Variants in MRC1 observed in about 807,000 individuals in gnomAD.
The protein encoded by MRC1 is mannose receptor C-type 1, also known as macrophage mannose receptor 1.
A neutral mutation model predicts 102.9 loss-of-function variants in MRC1; 62 were observed. That is an observed-to-expected ratio of 0.60 (90% confidence interval 0.49 to 0.74). MRC1 has a LOEUF of 0.74. Among genes scored for constraint, MRC1 ranks in the 30% least tolerant of loss-of-function variants. The probability of loss-of-function intolerance (pLI) is 0.00; values close to 1 mark genes in which losing one functional copy is unlikely to be tolerated. For missense variants in MRC1, 1,237 were observed against 862.8 expected (o/e 1.43, Z -5.43); for synonymous variants, 457 against 298.4 (o/e 1.53, Z -5.48).
At position 17,879,765 on chromosome 10, in the gene MRC1, G is replaced by A. The variant is rs1479890671; in HGVS notation, c.2663G>A (p.Gly888Asp). ...GTGGATTACGTGTCTTGGGCCACAG[G>A]TGAACCCAATTTTGCAAATGAAGAT... Reference protein sequence around the residue: ...SKVDYVSWATGEPNFANEDEN... With the variant: ...SKVDYVSWATDEPNFANEDEN... Residue 888 changes from glycine to aspartate, a missense_variant, in exon 19 of 30, where the codon GGT becomes GAT. Transcript: ENST00000569591. 6.4e-6 allele frequency: 5 copies of A among 780,852 alleles called. No individual in the cohort carries two copies. The highest frequency in any genetic ancestry group is 1.2e-5 in the Non-Finnish European group (5 of 417,964). The allele number at this position is 780,852 out of a possible 1,614,324, so 48.4% of individuals were successfully genotyped here. A position where few individuals can be genotyped will look rare whatever the true frequency, so the allele number is the denominator to read the frequency against.
intron 17 of MRC1, 26 bp downstream of exon 17, chr10:17,875,279 AT>A (rs1438047670): frequency 6.4e-6 from 5 of 778,560 alleles, no homozygotes; most frequent in African/African-American, 1.7e-5. Context: ...ATTTTTTAAA[AT>A]TTTAATAGTT....
At chr10:17,885,207 T>C (rs1430917007) in intron 21 of MRC1, 62 bp from the exon 22 acceptor site, 2 of 778,354 alleles carry the variant, frequency 2.6e-6, no homozygotes, top group Non-Finnish European at 4.8e-6. Context: ...ATTTTGAATA[T>C]TTTCCATATT....
At chr10:17,847,233 A>G (rs990001164) in intron 6 of MRC1, among the ~76,000 whole-genome samples, 4 of 152,200 alleles carry the variant, frequency 2.6e-5, no homozygotes, top group Non-Finnish European at 5.9e-5. Flanking sequence ...AGAGGAGAAT[A>G]GTTACTTTAT....
intron 21 of MRC1, among the ~76,000 whole-genome samples, chr10:17,882,208 G>A (rs966157927): frequency 5.6e-4 from 85 of 152,186 alleles, no homozygotes; most frequent in East Asian, 2.5e-3. Flanking sequence ...GAAGGGTTTC[G>A]AAATCACTGC....
intron 2 of MRC1, among the ~76,000 whole-genome samples, chr10:17,825,231 G>A (rs1290308709): frequency 3.7e-4 from 57 of 152,256 alleles, no homozygotes; most frequent in Non-Finnish European, 1.6e-4. Flanking sequence ...TGGGGGAGGG[G>A]TAGAATGGTG....
chr10:17,906,366 TC>T (rs1423650070), intron 26 of MRC1, among the ~76,000 whole-genome samples: 2 of 151,900 alleles, frequency 1.3e-5, no homozygotes, highest in Non-Finnish European at 2.9e-5. Context: ...CTATCTCTGT[TC>T]CTGAAGAAGT....
chr10:17,903,392 CTTTTTTTTTTTTTTTTTTTTT>C (rs1833855573), intron 26 of MRC1, among the ~76,000 whole-genome samples: 1 of 88,862 alleles, frequency 1.1e-5, no homozygotes, highest in Non-Finnish European at 2.2e-5. Context: ...CTTTTTTTTT[CTTTTTTTTTTTTTTTTTTTTT>C]GAGACAGAGT....
At chr10:17,894,177 T>C (rs1833719509) in intron 22 of MRC1, 33 bp from the exon 23 acceptor site, 1 of 869,566 alleles carries the variant, frequency 1.2e-6, no homozygotes, top group African/African-American at 1.6e-5. Context: ...TGATTCATGA[T>C]TGTTTTCTTT....
chr10:17,881,298 A>G lies in MRC1; in HGVS notation c.2980+117A>G, dbSNP rs904656975. On this transcript the variant is annotated intron_variant, in intron 21 of 29. Transcript: ENST00000569591. ...GGTTTTCCAGTGTAAAAGCTAAAAA[A>G]GTGGAAAAAATCAAATGCTTATTGA... 4.2e-6 allele frequency: 3 copies of G among 708,590 alleles called. No individual in the cohort carries two copies. In the African/African-American group the frequency reaches 5.4e-5, roughly 13 times the overall value. The allele number at this position is 708,590 out of a possible 1,614,324, so 43.9% of individuals were successfully genotyped here.
At chr10:17,837,253 T>C (rs1321388991) in intron 4 of MRC1, among the ~76,000 whole-genome samples, 5 of 152,206 alleles carry the variant, frequency 3.3e-5, no homozygotes, top group African/African-American at 1.2e-4. Flanking sequence ...GTCAGCAAAT[T>C]TTCACTGGCA....
chr10:17,880,980 T>C, intron 20 of MRC1, 87 bp from the exon 21 acceptor site: 2 of 767,640 alleles, frequency 2.6e-6, no homozygotes, highest in South Asian at 2.8e-5. Flanking sequence ...TCTTCATGAA[T>C]AATTTTGCTT....
At chr10:17,845,719 A>G (rs1410867017) in intron 6 of MRC1, among the ~76,000 whole-genome samples, 2 of 152,168 alleles carry the variant, frequency 1.3e-5, no homozygotes, top group Admixed American at 6.6e-5. Context: ...ATAGTTGAGG[A>G]AAAAGATATT....
chr10:17,817,795 T>C (rs1554837999), intron 1 of MRC1, among the ~76,000 whole-genome samples: 1 of 152,174 alleles, frequency 6.6e-6, no homozygotes, highest in African/African-American at 2.4e-5. Flanking sequence ...AAATAGAATG[T>C]TTATAAATGT....
Position 17,880,514 on chromosome 10 carries a change from C to T in MRC1, c.2720-11C>T, listed in dbSNP as rs1833498854. ...ATATGAATCTAATTTAACTATTTCT[C>T]TCTTTGCCAGGGTTTTGGAATGACA... On this transcript the variant is annotated splice_polypyrimidine_tract_variant and intron_variant, in intron 19 of 29. Transcript: ENST00000569591. 11 of 780,646 alleles carry T rather than the reference C, an allele frequency of 1.4e-5. No individual in the cohort carries two copies. The highest frequency in any genetic ancestry group is 2.4e-5 in the East Asian group (1 of 41,264). 48.4% of individuals were successfully genotyped at this position (780,646 alleles called of 1,614,324 possible). A position where few individuals can be genotyped will look rare whatever the true frequency, so the allele number is the denominator to read the frequency against.
chr10:17,859,077 A>C (rs1833140793), intron 9 of MRC1, among the ~76,000 whole-genome samples: 2 of 152,052 alleles, frequency 1.3e-5, no homozygotes, highest in African/African-American at 4.8e-5. Context: ...CCTGATTACT[A>C]TATTTAATCT....
At chr10:17,853,181 C>T (rs1208126577) in intron 8 of MRC1, 57 bp downstream of exon 8, 1 of 777,322 alleles carries the variant, frequency 1.3e-6, no homozygotes, top group Non-Finnish European at 2.4e-6. Flanking sequence ...ATTTTTCCTT[C>T]TGTCCCAGTC....
At chr10:17,861,327 A>G in intron 9 of MRC1, 60 bp from the exon 10 acceptor site, 1 of 744,274 alleles carries the variant, frequency 1.3e-6, no homozygotes, top group South Asian at 1.6e-5. Flanking sequence ...TAATAATAAT[A>G]TTTTATAATA....
intron 1 of MRC1, among the ~76,000 whole-genome samples, chr10:17,818,116 T>A (rs1466496268): frequency 6.6e-6 from 1 of 152,232 alleles, no homozygotes; most frequent in East Asian, 1.9e-4. Context: ...ACCTTTTCAT[T>A]TCCAAGTACC....
At chr10:17,890,544 G>A (rs1017658567) in intron 22 of MRC1, among the ~76,000 whole-genome samples, 4 of 152,092 alleles carry the variant, frequency 2.6e-5, no homozygotes, top group African/African-American at 4.8e-5. Context: ...CTCTGCTTAC[G>A]TTACCTACCC....
Sources: gnomAD v4.1 joint callset for allele counts (sites outside exome capture counted in the v4.1 genomes callset) on GRCh38, gnomAD v4.1.1 for gene constraint, MANE v1.5 for transcripts, NCBI Gene and HGNC (gene_info 2026-07-23, HGNC 2026-07-21) for gene names.